The following FARSB variants were observed in gnomAD, a reference collection of about 807,000 sequenced individuals.
The protein encoded by FARSB is phenylalanine--tRNA ligase beta subunit.
In FARSB, 40 loss-of-function variants were observed where a neutral mutation model predicts 69.6. That is an observed-to-expected ratio of 0.57 (90% CI 0.45 to 0.75). FARSB has a LOEUF of 0.75. FARSB is among the 30% of genes least tolerant of loss of function. The pLI is 0.00. For synonymous variants in FARSB, 235 were observed against 247.2 expected, an observed-to-expected ratio of 0.95 and a Z score of 0.46; for missense variants, 632 against 722.9, an observed-to-expected ratio of 0.87 and a Z score of 1.44.
intron 16 of FARSB, among the ~76,000 whole-genome samples, chr2:222,598,928 T>A (rs1690492561): frequency 7.0e-6 from 1 of 142,700 alleles, no homozygotes; most frequent in Non-Finnish European, 1.5e-5. Context: ...GCTTATTTAA[T>A]CTCTCATTTA....
At chr2:222,654,589 A>G (rs1425847704) in intron 1 of FARSB, among the ~76,000 whole-genome samples, 1 of 152,240 alleles carries the variant, frequency 6.6e-6, no homozygotes, top group East Asian at 1.9e-4. Flanking sequence ...TAAGCTCATT[A>G]TAAAATAAAG....
At chr2:222,627,572 G>GTTTTAAGCCAC (rs1212421239) in intron 10 of FARSB, among the ~76,000 whole-genome samples, 1 of 152,196 alleles carries the variant, frequency 6.6e-6, no homozygotes, top group African/African-American at 2.4e-5. Flanking sequence ...AATGGTTGTT[G>GTTTTAAGCCAC]TTTTAAGCCA....
chr2:222,654,498 C>T (rs1692120111), intron 1 of FARSB, among the ~76,000 whole-genome samples: 1 of 152,162 alleles, frequency 6.6e-6, no homozygotes, highest in African/African-American at 2.4e-5. Context: ...TGGTCTCAAG[C>T]ATTTTGGATA....
rs145839529 is a variant in FARSB at position 222,587,312 on chromosome 2, G to A, written c.1618+12616C>T. 7.9e-3 allele frequency among the ~76,000 whole-genome samples: 1,208 copies of A among 152,226 alleles called. 15 individuals are homozygous for A. Among genetic ancestry groups the A allele is most frequent in the African/African-American group, 0.028 (1,162 of 41,530 alleles). Reference sequence around the variant, plus strand: ...TAAAGATGTTCTTTGAAACCAATGAGAACAAAGACACAACATACCAGAATC... The same window carrying A: ...TAAAGATGTTCTTTGAAACCAATGAAAACAAAGACACAACATACCAGAATC... On this transcript the variant is annotated intron_variant, in intron 16 of 16. Transcript: ENST00000281828.
chr2:222,638,418 C>G (rs1235791674), intron 5 of FARSB, among the ~76,000 whole-genome samples: 1 of 152,216 alleles, frequency 6.6e-6, no homozygotes, highest in African/African-American at 2.4e-5. Flanking sequence ...AGCAGATAAT[C>G]TGGCTCAACC....
At position 222,613,807 on chromosome 2, in the gene FARSB, T is replaced by G. The variant is rs771115714; in HGVS notation, c.1462+4A>C. On this transcript the variant is annotated splice_donor_region_variant and intron_variant, in intron 15 of 16. Transcript: ENST00000281828. ...AAATCAAATCAAAGGTGACTTATTC[T>G]TACCTGTATTAGAATCTTTTATTAC... 6.7e-7 allele frequency: 1 copy of G among 1,482,382 alleles called. No homozygotes were observed. 91.8% of individuals were successfully genotyped at this position (1,482,382 alleles called of 1,614,324 possible).
chr2:222,651,234 T>TA (rs942713234), intron 1 of FARSB, among the ~76,000 whole-genome samples: 2 of 152,094 alleles, frequency 1.3e-5, no homozygotes, highest in Admixed American at 6.6e-5. Flanking sequence ...ATGTGGACTG[T>TA]AAAAAATCAA....
Position 222,656,057 on chromosome 2 carries a change from A to C in FARSB, c.17T>G (p.Val6Gly). 2.5e-6 allele frequency: 4 copies of C among 1,597,168 alleles called. No individual in the cohort carries two copies. The highest frequency in any genetic ancestry group is 3.4e-6 in the Non-Finnish European group (4 of 1,173,362). Residue 6 changes from valine to glycine, a missense_variant, in exon 1 of 17, where the codon GTG (valine) becomes GGG (glycine). Coordinates refer to ENST00000281828, the MANE Select transcript of FARSB (RefSeq NM_005687.5). Reference protein sequence around the residue: MPTVSVKRDLLFQALG... With the variant: MPTVSGKRDLLFQALG... ...GGCTTGGAAGAGCAGATCACGCTTC[A>C]CGCTGACAGTCGGCATGGTGTGTCG...
At chr2:222,623,993 T>C (rs1187815891) in intron 12 of FARSB, among the ~76,000 whole-genome samples, 1 of 152,168 alleles carries the variant, frequency 6.6e-6, no homozygotes, top group Non-Finnish European at 1.5e-5. Flanking sequence ...ACACAGCTTC[T>C]GCCTTCAGGC....
chr2:222,656,052 G>C lies in FARSB; in HGVS notation c.22C>G (p.Arg8Gly). Residue 8 changes from arginine to glycine, a missense_variant, in exon 1 of 17, where the codon CGT becomes GGT. Arg to Gly is a moderately radical substitution (Grantham distance 125, BLOSUM62 -2). Transcript: ENST00000281828. MPTVSVKRDLLFQALGRT... is the reference protein window; with the variant it reads MPTVSVKGDLLFQALGRT... Reference sequence around the variant, plus strand: ...CCCAGGGCTTGGAAGAGCAGATCACGCTTCACGCTGACAGTCGGCATGGTG... The same window carrying C: ...CCCAGGGCTTGGAAGAGCAGATCACCCTTCACGCTGACAGTCGGCATGGTG... The C allele has an allele frequency of 6.3e-7, 1 of 1,597,176 alleles. No individual in the cohort carries two copies. The highest frequency in any genetic ancestry group is 1.4e-5 in the African/African-American group (1 of 73,960).
intron 3 of FARSB, 30 bp from the exon 4 acceptor site, chr2:222,640,961 T>C (rs1273365252): frequency 9.2e-7 from 1 of 1,088,756 alleles, no homozygotes; most frequent in Non-Finnish European, 1.4e-6. Context: ...AATTTACTCA[T>C]AATTAATCAA....
intron 15 of FARSB, among the ~76,000 whole-genome samples, chr2:222,610,279 T>C (rs192692031): frequency 6.6e-6 from 1 of 152,268 alleles, no homozygotes; most frequent in East Asian, 1.9e-4. Flanking sequence ...ACTGGAAAAC[T>C]ATGGTTTAGA....
chr2:222,627,188 C>A (rs904707784), intron 10 of FARSB, among the ~76,000 whole-genome samples: 1 of 152,182 alleles, frequency 6.6e-6, no homozygotes, highest in African/African-American at 2.4e-5. Context: ...CATGGCCTTG[C>A]AATGTGACAC....
rs538600753 is a variant in FARSB at position 222,656,069 on chromosome 2, G to T, written c.5C>A (p.Pro2Gln). MPTVSVKRDLLF... is the reference protein window; with the variant it reads MQTVSVKRDLLF... ...CAGATCACGCTTCACGCTGACAGTCGGCATGGTGTGTCGAACTCACTGCGC... is the reference window on the plus strand; with the variant it reads ...CAGATCACGCTTCACGCTGACAGTCTGCATGGTGTGTCGAACTCACTGCGC... The change falls in exon 1 of 17, where the codon CCG becomes CAG. Residue 2 changes from proline to glutamine, a missense_variant. Physicochemically the swap from Pro to Gln is moderately conservative, Grantham distance 76. Coordinates refer to ENST00000281828, the MANE Select transcript of FARSB (RefSeq NM_005687.5). 1 of 1,595,510 alleles carries T rather than the reference G, an allele frequency of 6.3e-7. No homozygotes were observed. The highest frequency in any genetic ancestry group is 1.4e-5 in the African/African-American group (1 of 73,936).
At chr2:222,587,765 G>T (rs182024448) in intron 16 of FARSB, among the ~76,000 whole-genome samples, 1 of 152,102 alleles carries the variant, frequency 6.6e-6, no homozygotes, top group African/African-American at 2.4e-5. Flanking sequence ...TAGAAGAAAT[G>T]GATAAATTCC....
At chr2:222,578,722 G>A (rs1260104553) in intron 16 of FARSB, among the ~76,000 whole-genome samples, 2 of 151,500 alleles carry the variant, frequency 1.3e-5, no homozygotes, top group Admixed American at 6.6e-5. Context: ...GCTCATGCCT[G>A]TAATCCCAGC....
rs1316640140 is a variant in FARSB at position 222,567,092 on chromosome 2, T to G, written c.*4779A>C. On this transcript the variant is annotated 3_prime_UTR_variant, in exon 17 of 17. Transcript: ENST00000281828. ...AGAAACAGAGCAAGCTCTCTGGTGT[T>G]TCTTCTTATCAGGCCACTGAGCCTT... 1 of 152,206 alleles carries G rather than the reference T, an allele frequency of 6.6e-6. No individual in the cohort carries two copies. Among genetic ancestry groups the G allele is most frequent in the Non-Finnish European group, 1.5e-5 (1 of 68,070 alleles). 9.4% of individuals were successfully genotyped at this position (152,206 alleles called of 1,614,324 possible).
chr2:222,597,063 A>G (rs896856084), intron 16 of FARSB, among the ~76,000 whole-genome samples: 3 of 152,142 alleles, frequency 2.0e-5, no homozygotes, highest in African/African-American at 7.2e-5. Context: ...GAAAAAAAGC[A>G]CTCAGAGCTA....
intron 15 of FARSB, among the ~76,000 whole-genome samples, chr2:222,613,264 T>C (rs371706780): frequency 4.6e-5 from 7 of 152,198 alleles, no homozygotes; most frequent in Admixed American, 3.3e-4. Context: ...TAGAAATACA[T>C]ACTAAAGTAG....
Sources: gnomAD v4.1 joint callset for allele counts (sites outside exome capture counted in the v4.1 genomes callset) on GRCh38, gnomAD v4.1.1 for gene constraint, MANE v1.5 for transcripts, NCBI Gene and HGNC (gene_info 2026-07-23, HGNC 2026-07-21) for gene names.